The following KCNIP4 variants were observed in gnomAD, a reference collection of about 807,000 sequenced individuals.
The protein encoded by KCNIP4 is potassium voltage-gated channel interacting protein 4.
KCNIP4 carries 12 observed loss-of-function variants against 34.0 expected under a neutral mutation model. That is an observed-to-expected ratio of 0.35 (90% CI 0.23 to 0.57). The LOEUF (loss-of-function observed/expected upper bound fraction) is 0.57, where lower values mean the gene tolerates loss of function less well. Among genes scored for constraint, KCNIP4 ranks in the 20% least tolerant of loss-of-function variants. KCNIP4 has a pLI of 0.83. For missense variants in KCNIP4, 238 were observed against 311.7 expected (o/e 0.76, Z 1.78); for synonymous variants, 124 against 102.2 (o/e 1.21, Z -1.29).
At chr4:21,782,730 T>G (rs1719646983) in intron 1 of KCNIP4, among the ~76,000 whole-genome samples, 1 of 152,150 alleles carries the variant, frequency 6.6e-6, no homozygotes, top group Admixed American at 6.6e-5. Flanking sequence ...TTGCTTATAG[T>G]AACTTTATTT....
rs540820016 is a variant in KCNIP4, at chr4:21,224,405, T to G, written c.62-341696A>C. 1.6e-4 allele frequency among the ~76,000 whole-genome samples: 24 copies of G among 151,780 alleles called. No individual in the cohort carries two copies. The East Asian group carries it at 4.7e-3, about 30-fold the overall frequency. ...TCCTGAGGGCCCCACCCTCATGACC[T>G]AATTAAATTACCTAAGCCAACTTAC... is the stretch of plus-strand genomic sequence containing the variant. On this transcript the variant is annotated intron_variant, in intron 1 of 8. Coordinates refer to ENST00000382152, the MANE Select transcript of KCNIP4 (RefSeq NM_025221.6).
At chr4:20,803,725 G>GGGGA (rs1312368498) in intron 3 of KCNIP4, among the ~76,000 whole-genome samples, 1 of 93,526 alleles carries the variant, frequency 1.1e-5, no homozygotes, top group African/African-American at 3.5e-5. Context: ...GAGAGAGAGA[G>GGGGA]AGAGGAAGGA....
chr4:21,649,845 C>G (rs576547179), intron 1 of KCNIP4, among the ~76,000 whole-genome samples: 10 of 152,244 alleles, frequency 6.6e-5, no homozygotes, highest in Non-Finnish European at 7.4e-5. Context: ...TAAAGGGAAA[C>G]AAGATTAATG....
At chr4:20,865,224 G>T (rs1278244204) in intron 2 of KCNIP4, among the ~76,000 whole-genome samples, 4 of 152,024 alleles carry the variant, frequency 2.6e-5, no homozygotes, top group African/African-American at 9.7e-5. Context: ...GTGACTGCAG[G>T]TTGTCTGAGA....
rs1448777108 is a variant in KCNIP4, at chr4:21,609,481, T to C, written c.61+339090A>G. Among the ~76,000 whole-genome samples the C allele has an allele frequency of 2.0e-5, 3 of 152,178 alleles. 1 individual carries two copies. Among genetic ancestry groups the C allele is most frequent in the Admixed American group, 1.3e-4 (2 of 15,272 alleles). ...TTCTGTGCAAAACAAGGACAGCCTG[T>C]ATGTCTATTTTTAATCAAAGATCTG... On this transcript the variant is annotated intron_variant, in intron 1 of 8. Transcript: ENST00000382152.
In KCNIP4 at chr4:21,510,078, C is replaced by CAAAAAAAAAAAAAAAAAAAAAA. The variant is rs759477091; in HGVS notation, c.61+438471_61+438492dup. On this transcript the variant is annotated intron_variant, in intron 1 of 8. Transcript: ENST00000382152. ...GGGCACAAGAGCAAAACTCCATCTC[C>CAAAAAAAAAAAAAAAAAAAAAA]AAAAAAAAAAAAAAAAAAAAAAGGC... Among the ~76,000 whole-genome samples the CAAAAAAAAAAAAAAAAAAAAAA allele has an allele frequency of 3.1e-5, 2 of 65,222 alleles. 1 individual carries two copies. The highest frequency in any genetic ancestry group is 5.9e-5 in the Non-Finnish European group (2 of 33,846). The allele number at this position is 65,222 out of a possible 152,430, so 42.8% of individuals were successfully genotyped here.
At chr4:21,896,143 C>A (rs940678829) in intron 1 of KCNIP4, among the ~76,000 whole-genome samples, 3 of 152,156 alleles carry the variant, frequency 2.0e-5, no homozygotes, top group Admixed American at 6.5e-5. Context: ...CGACAGAGTT[C>A]ATCATTTTCT....
At chr4:21,893,173 G>A (rs4443267) in intron 1 of KCNIP4, among the ~76,000 whole-genome samples, 1 of 152,056 alleles carries the variant, frequency 6.6e-6, no homozygotes, top group Admixed American at 6.6e-5. Flanking sequence ...AATTGTGTGT[G>A]TGTGTCTGTG....
chr4:21,083,770 A>AT (rs1746197291), intron 1 of KCNIP4, among the ~76,000 whole-genome samples: 2 of 151,940 alleles, frequency 1.3e-5, no homozygotes, highest in Non-Finnish European at 2.9e-5. Context: ...TAAGCCAACA[A>AT]GTTTGTGGTA....
chr4:21,876,595 C>G (rs1726128065), intron 1 of KCNIP4, among the ~76,000 whole-genome samples: 1 of 152,056 alleles, frequency 6.6e-6, no homozygotes, highest in African/African-American at 2.4e-5. Flanking sequence ...CAAATATACT[C>G]TTGCTCCACA....
intron 1 of KCNIP4, among the ~76,000 whole-genome samples, chr4:21,221,581 C>T (rs1204880490): frequency 5.9e-5 from 9 of 152,102 alleles, no homozygotes; most frequent in Non-Finnish European, 1.2e-4. Flanking sequence ...GAACCGCACC[C>T]ATGATTCAAT....
intron 1 of KCNIP4, among the ~76,000 whole-genome samples, chr4:21,178,815 CTTTTTTTT>C (rs10611485): frequency 1.1e-4 from 15 of 136,782 alleles, no homozygotes; most frequent in African/African-American, 1.6e-4. Context: ...TAACACCAAA[CTTTTTTTT>C]TTTTTTTTTT....
At chr4:21,759,888 A>C (rs1404208198) in intron 1 of KCNIP4, among the ~76,000 whole-genome samples, 4 of 151,586 alleles carry the variant, frequency 2.6e-5, no homozygotes, top group African/African-American at 9.7e-5. Context: ...CTCATTTTTC[A>C]CCTCTGCTTG....
intron 1 of KCNIP4, among the ~76,000 whole-genome samples, chr4:21,911,604 TCA>T (rs149500330): frequency 0.083 from 10,748 of 129,824 alleles, 447 homozygotes; most frequent in South Asian, 0.13. Context: ...GAATTGATAT[TCA>T]CACACACACA....
chr4:21,851,691 G>A (rs1159854709), intron 1 of KCNIP4: 1 of 152,132 alleles, frequency 6.6e-6, no homozygotes, highest in East Asian at 1.9e-4. Flanking sequence ...TAGTTTCTGG[G>A]AAGCTAGCAA....
chr4:21,580,598 A>G (rs1741131559), intron 1 of KCNIP4, among the ~76,000 whole-genome samples: 1 of 152,118 alleles, frequency 6.6e-6, no homozygotes, highest in Non-Finnish European at 1.5e-5. Flanking sequence ...TGATTATCCA[A>G]AAATTTTCAT....
chr4:21,301,405 G>A (rs1711681955), intron 1 of KCNIP4, among the ~76,000 whole-genome samples: 1 of 152,032 alleles, frequency 6.6e-6, no homozygotes, highest in African/African-American at 2.4e-5. Flanking sequence ...GTTTACATGA[G>A]GAGGTTTAAT....
intron 1 of KCNIP4, among the ~76,000 whole-genome samples, chr4:21,094,026 G>T (rs55812275): frequency 0.16 from 24,330 of 151,810 alleles, 2,069 homozygotes; most frequent in East Asian, 0.24. Flanking sequence ...AGCTTGCAGT[G>T]AGCCAAGATC....
At chr4:21,448,921 T>C (rs907589876) in intron 1 of KCNIP4, among the ~76,000 whole-genome samples, 4 of 152,202 alleles carry the variant, frequency 2.6e-5, no homozygotes, top group African/African-American at 9.7e-5. Context: ...CAGCCTGGAC[T>C]GAAACGGAGA....
Sources: gnomAD v4.1 joint callset for allele counts (sites outside exome capture counted in the v4.1 genomes callset) on GRCh38, gnomAD v4.1.1 for gene constraint, MANE v1.5 for transcripts, NCBI Gene and HGNC (gene_info 2026-07-23, HGNC 2026-07-21) for gene names.